Variants in CDH13 observed in about 807,000 individuals in gnomAD.
CDH13 encodes the protein cadherin 13, also known as cadherin-13.
Under a neutral mutation model 63.8 loss-of-function variants are expected in CDH13, and 24 were observed. The observed-to-expected ratio is 0.38, with a 90% CI of 0.27 to 0.53. The LOEUF (loss-of-function observed/expected upper bound fraction) is 0.53. CDH13 is among the 20% of genes least tolerant of loss of function. The probability of loss-of-function intolerance (pLI) is 0.85; values close to 1 mark genes in which losing one functional copy is unlikely to be tolerated. For synonymous variants in CDH13, 503 were observed against 355.3 expected (o/e 1.42, Z -4.67); for missense variants, 1,049 against 903.1 (o/e 1.16, Z -2.07).
At chr16:82,824,632 T>C (rs974897330) in intron 1 of CDH13, 2 of 152,144 alleles carry the variant, frequency 1.3e-5, no homozygotes, top group African/African-American at 4.8e-5. Context: ...CAGGCGAACA[T>C]GTTAAATGAC....
chr16:83,462,839 C>A (rs2073214727), intron 6 of CDH13, among the ~76,000 whole-genome samples: 1 of 152,118 alleles, frequency 6.6e-6, no homozygotes, highest in African/African-American at 2.4e-5. Context: ...ACTATTTGTT[C>A]ACTTACTCAT....
intron 2 of CDH13, among the ~76,000 whole-genome samples, chr16:82,948,725 C>G (rs1163337400): frequency 1.3e-5 from 2 of 152,092 alleles, no homozygotes; most frequent in Non-Finnish European, 1.5e-5. Context: ...TCTCAGTTGC[C>G]TTCTTTACAC....
At chr16:83,277,840 A>T (rs1183272294) in intron 5 of CDH13, among the ~76,000 whole-genome samples, 2 of 152,146 alleles carry the variant, frequency 1.3e-5, no homozygotes, top group Non-Finnish European at 2.9e-5. Context: ...TAATCTTTTT[A>T]GGTTTTGTAG....
intron 2 of CDH13, among the ~76,000 whole-genome samples, chr16:82,929,475 C>T (rs1293962414): frequency 6.6e-6 from 1 of 151,278 alleles, no homozygotes; most frequent in Non-Finnish European, 1.5e-5. Flanking sequence ...CCAGGTGAAA[C>T]CCCGTCTCTA....
chr16:83,030,745 C>G (rs561496135), intron 2 of CDH13, among the ~76,000 whole-genome samples: 1 of 150,610 alleles, frequency 6.6e-6, no homozygotes, highest in African/African-American at 2.4e-5. Context: ...CTGATCTTGA[C>G]TCTCTCCACA....
intron 6 of CDH13, among the ~76,000 whole-genome samples, chr16:83,470,275 T>C (rs1427793285): frequency 1.3e-5 from 2 of 152,180 alleles, no homozygotes; most frequent in African/African-American, 4.8e-5. Flanking sequence ...CAGGCTAGTC[T>C]CGAACTCCTG....
At chr16:83,458,814 T>C (rs991443522) in intron 6 of CDH13, among the ~76,000 whole-genome samples, 1 of 152,182 alleles carries the variant, frequency 6.6e-6, no homozygotes, top group African/African-American at 2.4e-5. Context: ...ACAGCACCGG[T>C]TGTCTCTTTC....
intron 5 of CDH13, among the ~76,000 whole-genome samples, chr16:83,299,813 A>T (rs1740782994): frequency 6.6e-6 from 1 of 152,200 alleles, no homozygotes; most frequent in Non-Finnish European, 1.5e-5. Flanking sequence ...TAGTGGCTGA[A>T]AACAGTACAT....
intron 2 of CDH13, among the ~76,000 whole-genome samples, chr16:82,860,456 G>A (rs2039898925): frequency 6.7e-6 from 1 of 148,998 alleles, no homozygotes. Context: ...TATGGTTGTT[G>A]CTTCTGGGTA....
At chr16:82,710,418 C>T (rs527286358) in intron 1 of CDH13, among the ~76,000 whole-genome samples, 23 of 144,936 alleles carry the variant, frequency 1.6e-4, no homozygotes, top group African/African-American at 5.0e-4. Flanking sequence ...TGTAGTCCCA[C>T]CTACTCGGGA....
intron 1 of CDH13, among the ~76,000 whole-genome samples, chr16:82,638,823 T>TGTGTGCGCGCGCGCGTGTGTGCGCGCGC (rs139451683): frequency 1.2e-4 from 18 of 150,790 alleles, no homozygotes; most frequent in Non-Finnish European, 5.9e-5. Context: ...GGGCAGTGTG[T>TGTGTGCGCGCGCGCGTGTGTGCGCGCGC]GCGTGTGTGC....
Position 83,050,300 on chromosome 16 carries a change from A to G in CDH13, c.366+18082A>G, listed in dbSNP as rs73596244. ...GTTCAACTCTTTGAGAAACCACCCA[A>G]CTGTCCCCTAGGAGTGGAATTGCTG... is the stretch of plus-strand genomic sequence containing the variant. On this transcript the variant is annotated intron_variant, in intron 3 of 13. Transcript: ENST00000567109. Among the ~76,000 whole-genome samples the G allele has an allele frequency of 6.9e-3, 1,043 of 152,248 alleles. 12 individuals carry two copies. The highest frequency in any genetic ancestry group is 0.024 in the African/African-American group (1,011 of 41,554).
chr16:82,677,126 C>T (rs544973726), intron 1 of CDH13, among the ~76,000 whole-genome samples: 1 of 152,348 alleles, frequency 6.6e-6, no homozygotes, highest in African/African-American at 2.4e-5. Flanking sequence ...TCATGATCCA[C>T]CCTCCTTGGC....
chr16:83,250,060 C>T (rs551228500), intron 5 of CDH13, among the ~76,000 whole-genome samples: 31 of 152,246 alleles, frequency 2.0e-4, no homozygotes, highest in Admixed American at 3.9e-4. Context: ...TATCCAAGAC[C>T]TTTAGTTGCA....
rs74541123 is a variant in CDH13 at position 83,348,547 on chromosome 16, C to T, written c.781+3541C>T. Among the ~76,000 whole-genome samples, 84 of 152,264 alleles carry T rather than the reference C, an allele frequency of 5.5e-4. 2 individuals are homozygous for T. Among genetic ancestry groups the T allele is most frequent in the African/African-American group, 1.8e-3 (73 of 41,574 alleles). ...CAGAAGGGCCTGGGGCTTGGTTTAGCGTTCTGCTGTCACCATGTTGAAATT... is the reference window on the plus strand; with the variant it reads ...CAGAAGGGCCTGGGGCTTGGTTTAGTGTTCTGCTGTCACCATGTTGAAATT... On this transcript the variant is annotated intron_variant, in intron 6 of 13. Transcript: ENST00000567109.
At chr16:83,550,530 C>T (rs1277108696) in intron 7 of CDH13, among the ~76,000 whole-genome samples, 4 of 152,160 alleles carry the variant, frequency 2.6e-5, no homozygotes, top group East Asian at 1.9e-4. Flanking sequence ...TGGCAAATTC[C>T]GCTCATAATG....
rs62042279 is a variant in CDH13, at chr16:83,508,137, A to G, written c.960+21482A>G. 6.5e-3 allele frequency among the ~76,000 whole-genome samples: 535 copies of G among 82,010 alleles called. 14 individuals are homozygous for G. The highest frequency in any genetic ancestry group is 8.1e-3 in the Non-Finnish European group (351 of 43,282). The allele number at this position is 82,010 out of a possible 152,430, so 53.8% of individuals were successfully genotyped here. ...AGGAAGGAAGGGAGGAAGGAAAGGG[A>G]AGGGGAGGGGAGGGGAGGCGAGGGG... On this transcript the variant is annotated intron_variant, in intron 7 of 13. Transcript: ENST00000567109.
intron 10 of CDH13, among the ~76,000 whole-genome samples, chr16:83,716,082 C>A (rs1287213017): frequency 4.6e-5 from 7 of 152,144 alleles, no homozygotes; most frequent in African/African-American, 1.7e-4. Flanking sequence ...AAAACTTAGA[C>A]TTGCCCACTT....
At chr16:83,432,492 G>A (rs9923253) in intron 6 of CDH13, among the ~76,000 whole-genome samples, 1,673 of 152,238 alleles carry the variant, frequency 0.011, 30 homozygotes, top group African/African-American at 0.039. Flanking sequence ...GTTCTTCTGG[G>A]GCATGGAGAA....
Sources: allele counts gnomAD v4.1 joint callset (sites outside exome capture counted in the v4.1 genomes callset), GRCh38; gene constraint gnomAD v4.1.1; transcripts MANE v1.5; gene names NCBI Gene and HGNC (gene_info 2026-07-23, HGNC 2026-07-21).